Variants in ZNF804B observed in about 807,000 individuals in gnomAD.
ZNF804B encodes the protein zinc finger protein 804B.
A neutral mutation model predicts 101.4 loss-of-function variants in ZNF804B; 80 were observed. The observed-to-expected ratio is 0.79, with a 90% CI of 0.66 to 0.95. The LOEUF (loss-of-function observed/expected upper bound fraction) is 0.95. Among genes scored for constraint, ZNF804B ranks in the 40% least tolerant of loss-of-function variants. The probability of loss-of-function intolerance (pLI) is 0.00; values close to 1 mark genes in which losing one functional copy is unlikely to be tolerated. For synonymous variants in ZNF804B, 622 were observed against 558.8 expected (o/e 1.11, Z -1.59); for missense variants, 1,673 against 1,561.9 (o/e 1.07, Z -1.20).
At chr7:88,860,926 C>A (rs1038311113) in intron 1 of ZNF804B, among the ~76,000 whole-genome samples, 2 of 151,854 alleles carry the variant, frequency 1.3e-5, no homozygotes, top group African/African-American at 4.8e-5. Flanking sequence ...CTTTTTATTC[C>A]CTGGGCAAAG....
At chr7:89,332,776 G>C (rs901262822) in intron 3 of ZNF804B, among the ~76,000 whole-genome samples, 5 of 151,730 alleles carry the variant, frequency 3.3e-5, no homozygotes, top group Non-Finnish European at 5.9e-5. Flanking sequence ...TATTTAGATA[G>C]ATTGTACATA....
intron 2 of ZNF804B, among the ~76,000 whole-genome samples, chr7:89,249,687 A>G (rs2115784617): frequency 6.6e-6 from 1 of 152,332 alleles, no homozygotes; most frequent in Admixed American, 6.5e-5. Context: ...AAAAAGTTAG[A>G]AATACCTCAA....
chr7:89,033,497 A>G (rs547519578), intron 1 of ZNF804B, among the ~76,000 whole-genome samples: 38 of 152,280 alleles, frequency 2.5e-4, no homozygotes, highest in African/African-American at 9.1e-4. Context: ...GTGCTGGATC[A>G]TAGAGTAATT....
chr7:89,026,926 T>C (rs776749547), intron 1 of ZNF804B, among the ~76,000 whole-genome samples: 5 of 152,106 alleles, frequency 3.3e-5, no homozygotes, highest in Non-Finnish European at 7.4e-5. Context: ...ATCTTTAGCA[T>C]AAAGATATTC....
chr7:88,931,769 A>T (rs565863669), intron 1 of ZNF804B, among the ~76,000 whole-genome samples: 1 of 151,994 alleles, frequency 6.6e-6, no homozygotes, highest in South Asian at 2.1e-4. Flanking sequence ...ATGATCAATA[A>T]ATGTCTGTTG....
Position 89,041,360 on chromosome 7 carries a change from A to G in ZNF804B, c.109-176795A>G, listed in dbSNP as rs1446616197. On this transcript the variant is annotated intron_variant, in intron 1 of 3. Coordinates refer to ENST00000333190, the MANE Select transcript of ZNF804B (RefSeq NM_181646.5). ...GCAGGCCTGGTGCCAGGGAACCACA[A>G]GGGCAATTCTAGATCCTGGGCCCAC... is the stretch of plus-strand genomic sequence containing the variant. 2.0e-5 allele frequency among the ~76,000 whole-genome samples: 3 copies of G among 152,112 alleles called. No homozygotes were observed. In the East Asian group the frequency reaches 5.8e-4, roughly 29 times the overall value.
chr7:89,129,547 A>C (rs1332456097), intron 1 of ZNF804B, among the ~76,000 whole-genome samples: 2 of 152,062 alleles, frequency 1.3e-5, no homozygotes, highest in African/African-American at 4.8e-5. Context: ...TGAGAACAAT[A>C]CAGTAGTTCT....
intron 2 of ZNF804B, among the ~76,000 whole-genome samples, chr7:89,283,310 G>T (rs1790128224): frequency 6.6e-6 from 1 of 152,100 alleles, no homozygotes; most frequent in South Asian, 2.1e-4. Context: ...AAAAAGAGAT[G>T]AAAGTTTTGT....
chr7:88,865,391 G>T (rs2115865842), intron 1 of ZNF804B, among the ~76,000 whole-genome samples: 1 of 152,086 alleles, frequency 6.6e-6, no homozygotes, highest in Non-Finnish European at 1.5e-5. Context: ...AATTAGCTGG[G>T]CATGGTGGTA....
chr7:89,136,103 T>G (rs541095198), intron 1 of ZNF804B, among the ~76,000 whole-genome samples: 85 of 152,246 alleles, frequency 5.6e-4, no homozygotes, highest in African/African-American at 2.0e-3. Flanking sequence ...GATATAATGT[T>G]GATTATTAGA....
chr7:88,912,908 T>C (rs2115979011), intron 1 of ZNF804B, among the ~76,000 whole-genome samples: 1 of 152,278 alleles, frequency 6.6e-6, no homozygotes, highest in South Asian at 2.1e-4. Flanking sequence ...GAGTGTTACA[T>C]GGAACAACTA....
At chr7:89,280,906 A>G (rs1370727371) in intron 2 of ZNF804B, among the ~76,000 whole-genome samples, 1 of 152,156 alleles carries the variant, frequency 6.6e-6, no homozygotes, top group Non-Finnish European at 1.5e-5. Flanking sequence ...CTCATTTTAT[A>G]AAGGAGTTTT....
intron 2 of ZNF804B, among the ~76,000 whole-genome samples, chr7:89,283,522 T>C (rs1790131419): frequency 6.6e-6 from 1 of 152,202 alleles, no homozygotes; most frequent in African/African-American, 2.4e-5. Context: ...AGCAAGAACC[T>C]GTCTATATAA....
intron 1 of ZNF804B, among the ~76,000 whole-genome samples, chr7:89,155,711 G>A (rs141899493): frequency 2.0e-4 from 30 of 152,152 alleles, no homozygotes; most frequent in African/African-American, 3.6e-4. Flanking sequence ...ACCAGTTTTC[G>A]GAAGATAACA....
At chr7:89,011,547 G>A (rs1353358761) in intron 1 of ZNF804B, among the ~76,000 whole-genome samples, 1 of 152,078 alleles carries the variant, frequency 6.6e-6, no homozygotes, top group African/African-American at 2.4e-5. Context: ...AGAGATACAG[G>A]CATTGGGTAA....
intron 1 of ZNF804B, among the ~76,000 whole-genome samples, chr7:88,780,378 T>C (rs1790205814): frequency 7.0e-6 from 1 of 142,212 alleles, no homozygotes; most frequent in African/African-American, 2.7e-5. Context: ...TGGTAAATAC[T>C]TTTTTGTCTT....
At chr7:89,209,529 C>T (rs919544390) in intron 1 of ZNF804B, among the ~76,000 whole-genome samples, 4 of 152,214 alleles carry the variant, frequency 2.6e-5, no homozygotes, top group African/African-American at 9.6e-5. Context: ...GCAATTGCCA[C>T]TCTCCATTAC....
intron 2 of ZNF804B, among the ~76,000 whole-genome samples, chr7:89,222,831 T>C (rs1789026401): frequency 6.6e-6 from 1 of 151,888 alleles, no homozygotes; most frequent in African/African-American, 2.4e-5. Context: ...TTAATATTAT[T>C]GAGAATTTTT....
At chr7:89,274,305 C>CCCCCCT (rs1179323976) in intron 2 of ZNF804B, among the ~76,000 whole-genome samples, 1 of 81,062 alleles carries the variant, frequency 1.2e-5, no homozygotes, top group East Asian at 3.7e-4. Flanking sequence ...TGCTATCCCT[C>CCCCCCT]CCCCCTCCCC....
Sources: allele counts gnomAD v4.1 joint callset (sites outside exome capture counted in the v4.1 genomes callset), GRCh38; gene constraint gnomAD v4.1.1; transcripts MANE v1.5; gene names NCBI Gene and HGNC (gene_info 2026-07-23, HGNC 2026-07-21).